The following GRM5 variants were observed in gnomAD, a reference collection of about 807,000 sequenced individuals.
GRM5 encodes the protein glutamate metabotropic receptor 5.
A neutral mutation model predicts 83.1 loss-of-function variants in GRM5; 19 were observed. The observed-to-expected ratio is 0.23, with a 90% confidence interval of 0.16 to 0.34. GRM5 has a LOEUF of 0.34. GRM5 is among the 10% of genes least tolerant of loss of function. GRM5 has a pLI of 1.00. For missense variants in GRM5, 1,160 were observed against 1,588.3 expected, an observed-to-expected ratio of 0.73 and a Z score of 4.58; for synonymous variants, 675 against 633.6, an observed-to-expected ratio of 1.07 and a Z score of -0.98.
At chr11:88,706,983 T>C (rs1941175319) in intron 3 of GRM5, among the ~76,000 whole-genome samples, 1 of 152,086 alleles carries the variant, frequency 6.6e-6, no homozygotes. Context: ...ATCAGTGAAG[T>C]AGAACCTTCT....
intron 3 of GRM5, among the ~76,000 whole-genome samples, chr11:88,678,679 A>G (rs1227687363): frequency 1.3e-5 from 2 of 152,154 alleles, no homozygotes; most frequent in East Asian, 3.8e-4. Context: ...ATATTTTTTC[A>G]TTACAAATTG....
Position 88,615,701 on chromosome 11 carries a change from C to CT in GRM5, c.1148-10738dup, listed in dbSNP as rs1010926111. Among the ~76,000 whole-genome samples the CT allele has an allele frequency of 4.1e-4, 61 of 148,714 alleles. 1 individual carries two copies. The highest frequency in any genetic ancestry group is 1.1e-3 in the African/African-American group (44 of 40,484). ...TACTGTGAATAGCTGGCAAGCTTAG[C>CT]TTTTTTTTTAAATTGGGGCCAGATG... On this transcript the variant is annotated intron_variant, in intron 4 of 9. Transcript: ENST00000305447.
At chr11:89,044,592 G>T (rs1398245782) in intron 2 of GRM5, among the ~76,000 whole-genome samples, 1 of 152,066 alleles carries the variant, frequency 6.6e-6, no homozygotes, top group Admixed American at 6.6e-5. Flanking sequence ...TTGAAAATAG[G>T]ACCACATCTT....
At chr11:88,928,744 C>T (rs759306708) in intron 2 of GRM5, among the ~76,000 whole-genome samples, 6 of 151,724 alleles carry the variant, frequency 4.0e-5, no homozygotes, top group South Asian at 2.1e-4. Flanking sequence ...ATATTCCAAA[C>T]GTGGGTCTGT....
At chr11:88,846,205 T>C (rs1045485428) in intron 3 of GRM5, among the ~76,000 whole-genome samples, 19 of 152,204 alleles carry the variant, frequency 1.2e-4, no homozygotes, top group Non-Finnish European at 2.2e-4. Flanking sequence ...TAAAAACTAG[T>C]TGTTTCCAAG....
At chr11:88,816,714 A>G (rs1003160019) in intron 3 of GRM5, among the ~76,000 whole-genome samples, 2 of 150,080 alleles carry the variant, frequency 1.3e-5, no homozygotes, top group African/African-American at 4.9e-5. Flanking sequence ...AGAAAAATCA[A>G]TAAAACTGAT....
At chr11:88,916,853 A>G (rs903512206) in intron 2 of GRM5, among the ~76,000 whole-genome samples, 7 of 152,134 alleles carry the variant, frequency 4.6e-5, no homozygotes, top group African/African-American at 1.7e-4. Context: ...TAAAGACCCC[A>G]ATACTAGGAC....
chr11:89,029,280 C>T (rs1432733111), intron 2 of GRM5, among the ~76,000 whole-genome samples: 1 of 152,094 alleles, frequency 6.6e-6, no homozygotes, highest in Non-Finnish European at 1.5e-5. Flanking sequence ...CTGGTAGAAA[C>T]ACTGTTAAAA....
chr11:88,840,632 T>C (rs1944181653), intron 3 of GRM5, among the ~76,000 whole-genome samples: 1 of 152,178 alleles, frequency 6.6e-6, no homozygotes, highest in Non-Finnish European at 1.5e-5. Context: ...ATAACAACAA[T>C]TGTATCTTCA....
chr11:88,811,142 T>A (rs897669959), intron 3 of GRM5, among the ~76,000 whole-genome samples: 1 of 151,966 alleles, frequency 6.6e-6, no homozygotes, highest in Non-Finnish European at 1.5e-5. Context: ...TTAACAACAC[T>A]GGGGGGTGGA....
chr11:88,898,963 T>C (rs898263362), intron 2 of GRM5, among the ~76,000 whole-genome samples: 8 of 151,956 alleles, frequency 5.3e-5, no homozygotes, highest in Non-Finnish European at 1.0e-4. Flanking sequence ...TACCTGAATT[T>C]CTCTTAGTGG....
At chr11:88,959,070 T>G (rs1034681660) in intron 2 of GRM5, among the ~76,000 whole-genome samples, 1 of 152,060 alleles carries the variant, frequency 6.6e-6, no homozygotes. Context: ...GAATGAGAAA[T>G]AGAGATATAT....
chr11:88,531,057 C>T (rs1373498225), intron 8 of GRM5, among the ~76,000 whole-genome samples: 1 of 152,000 alleles, frequency 6.6e-6, no homozygotes, highest in African/African-American at 2.4e-5. Flanking sequence ...ATAAATGAAG[C>T]TAAAAGATAG....
intron 2 of GRM5, among the ~76,000 whole-genome samples, chr11:88,896,767 A>G (rs1420040250): frequency 6.6e-6 from 1 of 151,872 alleles, no homozygotes; most frequent in Non-Finnish European, 1.5e-5. Flanking sequence ...GGCCACATAC[A>G]TTGGGAAAGT....
chr11:88,823,995 C>T (rs192656533), intron 3 of GRM5, among the ~76,000 whole-genome samples: 3 of 152,196 alleles, frequency 2.0e-5, no homozygotes, highest in East Asian at 1.9e-4. Flanking sequence ...CACAGATTTC[C>T]GAGCTTTTGG....
chr11:88,607,307 T>C (rs891255072), intron 4 of GRM5, among the ~76,000 whole-genome samples: 4 of 152,242 alleles, frequency 2.6e-5, no homozygotes, highest in African/African-American at 9.6e-5. Context: ...GAATCACTTT[T>C]GACTCCTCTT....
At chr11:88,775,934 G>T (rs188614207) in intron 3 of GRM5, among the ~76,000 whole-genome samples, 53 of 152,282 alleles carry the variant, frequency 3.5e-4, no homozygotes, top group African/African-American at 1.2e-3. Flanking sequence ...CGGGTAGAGA[G>T]TTCTGTAGAT....
intron 3 of GRM5, among the ~76,000 whole-genome samples, chr11:88,669,684 T>C (rs9988814): frequency 0.53 from 80,958 of 151,644 alleles, 25,644 homozygotes; most frequent in South Asian, 0.8. Context: ...AAATTAAAAA[T>C]TTAAATATAT....
intron 2 of GRM5, among the ~76,000 whole-genome samples, chr11:88,878,191 C>T (rs999336843): frequency 2.0e-5 from 3 of 152,056 alleles, no homozygotes; most frequent in Admixed American, 6.6e-5. Context: ...AGATGTTCTT[C>T]GATAGGTGAA....
Sources: gnomAD v4.1 joint callset for allele counts (sites outside exome capture counted in the v4.1 genomes callset) on GRCh38, gnomAD v4.1.1 for gene constraint, MANE v1.5 for transcripts, NCBI Gene and HGNC (gene_info 2026-07-23, HGNC 2026-07-21) for gene names.